Variants in POLA1 observed in about 807,000 individuals in gnomAD.
POLA1 encodes the protein DNA polymerase alpha catalytic subunit.
A neutral mutation model predicts 124.0 loss-of-function variants in POLA1; 15 were observed. The ratio of observed to expected loss-of-function variants is 0.12; its 90% CI spans 0.08 to 0.19. POLA1 has a LOEUF of 0.19. POLA1 is among the 10% of genes least tolerant of loss of function. The probability of loss-of-function intolerance (pLI) is 1.00; values close to 1 mark genes in which losing one functional copy is unlikely to be tolerated. For missense variants in POLA1, 886 were observed against 1,103.4 expected (o/e 0.80, Z 2.79); for synonymous variants, 408 against 389.4 (o/e 1.05, Z -0.56).
chrX:24,853,118 A>G (rs1192007841), intron 34 of POLA1, among the ~76,000 whole-genome samples: 1 of 112,611 alleles, frequency 8.9e-6, no homozygotes, highest in Admixed American at 9.4e-5. Flanking sequence ...AAGAAAGATC[A>G]AAGGAAAGCC....
intron 16 of POLA1, 152 bp downstream of exon 16, chrX:24,732,606 T>TG (rs1239197067): frequency 1.5e-5 from 6 of 387,232 alleles, no homozygotes; most frequent in East Asian, 8.2e-5. Flanking sequence ...TTTGTTTTTT[T>TG]TTTTTTTGCC....
At chrX:24,922,011 C>T (rs2047624117) in intron 35 of POLA1, among the ~76,000 whole-genome samples, 1 of 110,201 alleles carries the variant, frequency 9.1e-6, no homozygotes, top group African/African-American at 3.3e-5. Context: ...AAGACAAAGT[C>T]ATATTGCAGT....
rs1018395223 is a variant in POLA1 at position 24,757,546 on chromosome X, T to C, written c.2964+8554T>C. Among the ~76,000 whole-genome samples the C allele has an allele frequency of 5.7e-5, 6 of 106,012 alleles. No individual in the cohort carries two copies. The Admixed American group carries it at 6.1e-4, about 11-fold the overall frequency. The allele number at this position is 106,012 out of a possible 115,157, so 92.1% of individuals were successfully genotyped here. A position where few individuals can be genotyped will look rare whatever the true frequency, so the allele number is the denominator to read the frequency against. On this transcript the variant is annotated intron_variant, in intron 26 of 36. Transcript: ENST00000379068. ...GCTCCACCTCCTGGGTTCACGCCAT[T>C]CTCCTGCCTCAGCCTCCCGAGTAGC...
intron 35 of POLA1, among the ~76,000 whole-genome samples, chrX:24,912,908 G>C (rs2047469893): frequency 8.9e-6 from 1 of 112,607 alleles, no homozygotes; most frequent in South Asian, 3.7e-4. Flanking sequence ...TATGTTGCTG[G>C]TGGGAATGTA....
intron 36 of POLA1, among the ~76,000 whole-genome samples, chrX:24,947,246 C>CTTTTTTTTTTTTTTT (rs764618354): frequency 9.3e-5 from 2 of 21,620 alleles, no homozygotes; most frequent in Non-Finnish European, 1.7e-4. Context: ...CCTGCAGATT[C>CTTTTTTTTTTTTTTT]TTTTTTTTTT....
intron 32 of POLA1, among the ~76,000 whole-genome samples, chrX:24,831,874 A>G (rs1438884200): frequency 8.9e-6 from 1 of 112,371 alleles, no homozygotes; most frequent in African/African-American, 3.2e-5. Context: ...CCAGTGGCTC[A>G]TGCTCCCAGT....
chrX:24,706,133 A>G (rs1019532279), intron 4 of POLA1, among the ~76,000 whole-genome samples: 4 of 112,316 alleles, frequency 3.6e-5, no homozygotes, highest in African/African-American at 1.3e-4. Context: ...TCTTCTTTTA[A>G]AAATTAATGC....
At chrX:24,855,609 A>C (rs2046634580) in intron 34 of POLA1, among the ~76,000 whole-genome samples, 1 of 112,102 alleles carries the variant, frequency 8.9e-6, no homozygotes, top group African/African-American at 3.2e-5. Flanking sequence ...GAGCTTCGTC[A>C]CAAGAAAATT....
intron 35 of POLA1, among the ~76,000 whole-genome samples, chrX:24,913,422 C>T (rs375864988): frequency 1.8e-5 from 2 of 111,204 alleles, no homozygotes; most frequent in East Asian, 5.6e-4. Flanking sequence ...TTTAAAAAGT[C>T]GTGGTAAGGC....
chrX:24,809,808 C>A, intron 26 of POLA1, 90 bp from the exon 27 acceptor site: 1 of 529,780 alleles, frequency 1.9e-6, no homozygotes, highest in Non-Finnish European at 3.0e-6. Flanking sequence ...ATGGAAATGG[C>A]AAATCATTGA....
chrX:24,792,477 A>T (rs1436970157), intron 26 of POLA1, among the ~76,000 whole-genome samples: 1 of 112,601 alleles, frequency 8.9e-6, no homozygotes, highest in Non-Finnish European at 1.9e-5. Flanking sequence ...CTTGATGGTT[A>T]TACAGCTGTT....
At chrX:24,844,369 G>A (rs778745602) in intron 34 of POLA1, among the ~76,000 whole-genome samples, 2 of 108,575 alleles carry the variant, frequency 1.8e-5, no homozygotes, top group Non-Finnish European at 3.8e-5. Flanking sequence ...CATTTCCCAC[G>A]TGATTTTTCT....
At position 24,727,801 on chromosome X, in the gene POLA1, C is replaced by G; in HGVS notation, c.1551C>G (p.Val517=). 1 of 1,206,518 alleles carries G rather than the reference C, an allele frequency of 8.3e-7. No individual in the cohort carries two copies. Among genetic ancestry groups the G allele is most frequent in the Non-Finnish European group, 1.1e-6 (1 of 891,287 alleles). ...VKSPQLLNQP[V]SWCKVEAMAL... is the part of the protein sequence containing the mutation. ...TTTCAGAGCTCTTGAATCAGCCAGT[C>G]AGTTGGTGTAAAGTTGAGGCAATGG... The change falls in exon 15 of 37, where the codon GTC becomes GTG. Residue 517 remains valine, a synonymous_variant. Transcript: ENST00000379068.
chrX:24,905,560 C>T (rs1269366425), intron 35 of POLA1, among the ~76,000 whole-genome samples: 37 of 95,987 alleles, frequency 3.9e-4, no homozygotes, highest in African/African-American at 1.4e-3. Flanking sequence ...GAACCCCCCC[C>T]CCCTTTTTTT....
chrX:24,841,713 A>G lies in POLA1; in HGVS notation c.3798A>G (p.Leu1266=). 2.5e-6 allele frequency: 3 copies of G among 1,190,195 alleles called. No individual in the cohort carries two copies. Among genetic ancestry groups the G allele is most frequent in the Non-Finnish European group, 3.4e-6 (3 of 878,494 alleles). The change falls in exon 33 of 37, where the codon CTA becomes CTG. Residue 1266 remains leucine (L), a synonymous_variant. Transcript: ENST00000379068. ...HYHKDEENDA[L]LGGPAQLTDE... ...ATAAAGATGAAGAGAATGATGCTCT[A>G]CTTGGTGGCCCAGCACAGCTCACTG...
intron 34 of POLA1, among the ~76,000 whole-genome samples, chrX:24,852,860 A>G (rs756695447): frequency 9.0e-6 from 1 of 111,399 alleles, no homozygotes; most frequent in Non-Finnish European, 1.9e-5. Flanking sequence ...GGGAACCTAG[A>G]TGATTTGCCA....
intron 35 of POLA1, among the ~76,000 whole-genome samples, chrX:24,899,185 A>G (rs1303052981): frequency 8.9e-6 from 1 of 111,944 alleles, no homozygotes; most frequent in African/African-American, 3.2e-5. Flanking sequence ...GCTGCTATTA[A>G]GATCCGTGTG....
At chrX:24,866,524 A>G (rs894829053) in intron 34 of POLA1, among the ~76,000 whole-genome samples, 2 of 112,045 alleles carry the variant, frequency 1.8e-5, no homozygotes, top group Admixed American at 1.9e-4. Flanking sequence ...AGAATTTCAT[A>G]TCATGCCCAT....
At chrX:24,978,020 C>T (rs1209785914) in intron 36 of POLA1, among the ~76,000 whole-genome samples, 1 of 111,985 alleles carries the variant, frequency 8.9e-6, no homozygotes, top group Non-Finnish European at 1.9e-5. Context: ...TTTTTCTGCT[C>T]GCTAGCTTTT....
Sources: gnomAD v4.1 joint callset for allele counts (sites outside exome capture counted in the v4.1 genomes callset) on GRCh38, gnomAD v4.1.1 for gene constraint, MANE v1.5 for transcripts, NCBI Gene and HGNC (gene_info 2026-07-23, HGNC 2026-07-21) for gene names.